The following ARID4B variants were observed in gnomAD, a reference collection of about 807,000 sequenced individuals.
ARID4B encodes the protein AT-rich interactive domain-containing protein 4B.
ARID4B carries 26 observed loss-of-function variants against 147.5 expected under a neutral mutation model. That is an observed-to-expected ratio of 0.18 (90% confidence interval 0.13 to 0.24). The LOEUF (loss-of-function observed/expected upper bound fraction) is 0.24. ARID4B is among the 10% of genes least tolerant of loss of function. The probability of loss-of-function intolerance (pLI) is 1.00; values close to 1 mark genes in which losing one functional copy is unlikely to be tolerated. For missense variants in ARID4B, 1,179 were observed against 1,511.5 expected (o/e 0.78, Z 3.65); for synonymous variants, 512 against 507.9 (o/e 1.01, Z -0.11).
chr1:235,222,362 G>T (rs1667527852), intron 13 of ARID4B, among the ~76,000 whole-genome samples: 1 of 152,196 alleles, frequency 6.6e-6, no homozygotes, highest in African/African-American at 2.4e-5. Flanking sequence ...CAGTTCTGCA[G>T]AAATTTGTAA....
chr1:235,208,814 G>A (rs1666504717), intron 17 of ARID4B, among the ~76,000 whole-genome samples: 1 of 152,050 alleles, frequency 6.6e-6, no homozygotes, highest in Non-Finnish European at 1.5e-5. Context: ...ACCGTGCCCG[G>A]CCGGCCAGCA....
rs202118784 is a variant in ARID4B at position 235,304,353 on chromosome 1, T to TA, written c.6+22560dup. Reference sequence around the variant, plus strand: ...ACAGAGGAAGACCCTGTCCCGAAAATAAAAAAAAAGAAAAGAAATGACAAC... The same window carrying TA: ...ACAGAGGAAGACCCTGTCCCGAAAATAAAAAAAAAAGAAAAGAAATGACAAC... On this transcript the variant is annotated intron_variant, in intron 2 of 23. Transcript: ENST00000264183. 4.5e-3 allele frequency among the ~76,000 whole-genome samples: 668 copies of TA among 149,702 alleles called. 8 individuals carry two copies. Among genetic ancestry groups the TA allele is most frequent in the South Asian group, 0.015 (73 of 4,712 alleles).
At chr1:235,200,587 CA>C (rs1665844731) in intron 17 of ARID4B, among the ~76,000 whole-genome samples, 1 of 152,140 alleles carries the variant, frequency 6.6e-6, no homozygotes, top group Admixed American at 6.5e-5. Flanking sequence ...TTTAAGAAAG[CA>C]ATATTAGTGG....
intron 2 of ARID4B, among the ~76,000 whole-genome samples, chr1:235,277,466 G>T (rs1251217279): frequency 2.0e-5 from 3 of 151,424 alleles, no homozygotes; most frequent in Non-Finnish European, 2.9e-5. Context: ...GTGAACCCGG[G>T]AGGCGGAGCT....
chr1:235,218,619 C>G (rs931082757), intron 16 of ARID4B, among the ~76,000 whole-genome samples: 66 of 152,098 alleles, frequency 4.3e-4, no homozygotes, highest in Middle Eastern at 3.4e-3. Flanking sequence ...TTGTATGGTG[C>G]CACCAAAATT....
At chr1:235,263,249 A>G (rs778934571) in intron 2 of ARID4B, among the ~76,000 whole-genome samples, 5 of 152,242 alleles carry the variant, frequency 3.3e-5, no homozygotes, top group African/African-American at 9.6e-5. Context: ...AAATCAACTA[A>G]AAGTTGCATA....
rs764883509 is a variant in ARID4B at position 235,219,774 on chromosome 1, C to T, written c.1583+19G>A. On this transcript the variant is annotated intron_variant, in intron 16 of 23. Transcript: ENST00000264183. Reference sequence around the variant, plus strand: ...TCCATCAAGCTGAAATGCATCGTAACCAAAAACAATTTTCTTACCCAGATT... The same window carrying T: ...TCCATCAAGCTGAAATGCATCGTAATCAAAAACAATTTTCTTACCCAGATT... 2 of 1,578,660 alleles carry T rather than the reference C, an allele frequency of 1.3e-6. No individual in the cohort carries two copies. Among genetic ancestry groups the T allele is most frequent in the Non-Finnish European group, 1.7e-6 (2 of 1,165,398 alleles).
Position 235,168,466 on chromosome 1 carries a change from T to TAA in ARID4B, c.*57_*58dup. ...TATTTTTTTGTGCCACTGTGCAGTATAAAAAAAAAGTGGCCCTCAACAGCC... is the reference window on the plus strand; with the variant it reads ...TATTTTTTTGTGCCACTGTGCAGTATAAAAAAAAAAAGTGGCCCTCAACAGCC... On this transcript the variant is annotated 3_prime_UTR_variant, in exon 24 of 24. Transcript: ENST00000264183. 2 of 1,532,464 alleles carry TAA rather than the reference T, an allele frequency of 1.3e-6. No individual in the cohort carries two copies. The highest frequency in any genetic ancestry group is 1.2e-5 in the South Asian group (1 of 84,460). The allele number at this position is 1,532,464 out of a possible 1,614,324, so 94.9% of individuals were successfully genotyped here.
chr1:235,230,440 AC>A (rs979763474), intron 10 of ARID4B, among the ~76,000 whole-genome samples: 2 of 114,296 alleles, frequency 1.7e-5, no homozygotes, highest in African/African-American at 7.5e-5. Flanking sequence ...ACAAAACAAA[AC>A]AAAAAAAACA....
chr1:235,288,657 TTAAAGAG>T (rs1225967291), intron 2 of ARID4B, among the ~76,000 whole-genome samples: 1 of 152,228 alleles, frequency 6.6e-6, no homozygotes, highest in African/African-American at 2.4e-5. Flanking sequence ...TTTTTCCCTA[TTAAAGAG>T]GGCAGCCACA....
intron 2 of ARID4B, among the ~76,000 whole-genome samples, chr1:235,295,566 CT>C (rs1004481873): frequency 2.6e-5 from 4 of 151,058 alleles, no homozygotes; most frequent in Non-Finnish European, 5.9e-5. Flanking sequence ...AATCCCAGCA[CT>C]TTGGGAGGCC....
chr1:235,220,570 T>C (rs1572010109), intron 14 of ARID4B, 25 bp from the exon 15 acceptor site: 1 of 1,514,644 alleles, frequency 6.6e-7, no homozygotes, highest in Non-Finnish European at 8.8e-7. Context: ...AGAAATTACA[T>C]TTGGTGAAAA....
intron 17 of ARID4B, among the ~76,000 whole-genome samples, chr1:235,196,853 C>CAAAAAAAAAAAAA (rs34581094): frequency 6.8e-5 from 6 of 88,414 alleles, no homozygotes; most frequent in Non-Finnish European, 8.4e-5. Context: ...CTCTGTTTCA[C>CAAAAAAAAAAAAA]AAAAAAAAAA....
At chr1:235,302,369 A>T in intron 2 of ARID4B, among the ~76,000 whole-genome samples, 1 of 151,652 alleles carries the variant, frequency 6.6e-6, no homozygotes, top group African/African-American at 2.4e-5. Flanking sequence ...GAGTGGGGAC[A>T]GAAAGACAGA....
intron 2 of ARID4B, among the ~76,000 whole-genome samples, chr1:235,314,107 G>C (rs1674269430): frequency 1.3e-5 from 2 of 152,056 alleles, no homozygotes; most frequent in Admixed American, 1.3e-4. Context: ...ATTACTGTAA[G>C]CATTTCGTAT....
chr1:235,173,657 G>C (rs1002781439), intron 22 of ARID4B, among the ~76,000 whole-genome samples: 7 of 144,212 alleles, frequency 4.9e-5, no homozygotes, highest in African/African-American at 1.5e-4. Flanking sequence ...AGCACTTTGG[G>C]AAGTAGAGGT....
intron 6 of ARID4B, among the ~76,000 whole-genome samples, chr1:235,249,768 C>T (rs557048004): frequency 4.0e-5 from 6 of 151,818 alleles, no homozygotes; most frequent in Non-Finnish European, 5.9e-5. Context: ...GGTGAAACCC[C>T]GTCTCTACTA....
chr1:235,270,551 G>A (rs1670916086), intron 2 of ARID4B, among the ~76,000 whole-genome samples: 1 of 152,174 alleles, frequency 6.6e-6, no homozygotes, highest in Non-Finnish European at 1.5e-5. Flanking sequence ...TAACAGAAGA[G>A]TATCTGCATA....
intron 2 of ARID4B, among the ~76,000 whole-genome samples, chr1:235,274,783 T>C (rs1383187246): frequency 6.6e-6 from 1 of 152,180 alleles, no homozygotes; most frequent in Admixed American, 6.5e-5. Context: ...CTGCAACCTA[T>C]TAGTTGACTG....
Sources: gnomAD v4.1 joint callset for allele counts (sites outside exome capture counted in the v4.1 genomes callset) on GRCh38, gnomAD v4.1.1 for gene constraint, MANE v1.5 for transcripts, NCBI Gene and HGNC (gene_info 2026-07-23, HGNC 2026-07-21) for gene names.